Variants in CPHXL observed in about 807,000 individuals in gnomAD.
CPHXL encodes cytoplasmic polyadenylated homeobox like, also known as cytoplasmic polyadenylated homeobox-like protein.
At chr16:75,715,643 C>T (rs1004943924) in intron 2 of CPHXL, among the ~76,000 whole-genome samples, 2 of 152,198 alleles carry the variant, frequency 1.3e-5, no homozygotes, top group South Asian at 2.1e-4. Context: ...TCATACTCTC[C>T]CGCCAAGGAG....
chr16:75,725,688 G>C (rs996035937), intron 1 of CPHXL, among the ~76,000 whole-genome samples: 2 of 148,122 alleles, frequency 1.4e-5, no homozygotes, highest in Admixed American at 1.4e-4. Flanking sequence ...TCCTGACCTC[G>C]TGATCCACCC....
At position 75,718,324 on chromosome 16, in the gene CPHXL, C is replaced by G. The variant is rs954208455; in HGVS notation, c.160G>C (p.Asp54His). The change falls in exon 2 of 3, where the codon GAT (aspartate) becomes CAT (histidine). Residue 54 changes from aspartate to histidine, a missense_variant. By Grantham distance (81) the Asp-to-His change is moderately conservative. Transcript: ENST00000640559. The part of the protein sequence containing the change: ...KEIFGENCYP[D>H]YTTRKTLAIK... The stretch of plus-strand genomic sequence containing the variant: ...GCCAGTGTTTTCCTAGTTGTGTAAT[C>G]GGGATAACAGTTCTCTCCAAATATT... 7 of 398,646 alleles carry G rather than the reference C, an allele frequency of 1.8e-5. No homozygotes were observed. The highest frequency in any genetic ancestry group is 1.4e-4 in the African/African-American group (7 of 48,610). The allele number at this position is 398,646 out of a possible 1,614,324, so 24.7% of individuals were successfully genotyped here.
chr16:75,721,706 T>C (rs936643952), intron 1 of CPHXL, among the ~76,000 whole-genome samples: 1 of 152,072 alleles, frequency 6.6e-6, no homozygotes, highest in African/African-American at 2.4e-5. Flanking sequence ...AGACAGAAAG[T>C]TAACAAGGAT....
At chr16:75,719,308 C>T (rs183301555) in intron 1 of CPHXL, among the ~76,000 whole-genome samples, 85 of 152,226 alleles carry the variant, frequency 5.6e-4, no homozygotes, top group African/African-American at 1.6e-3. Context: ...GGTGAGGCAT[C>T]GCCTCACTTG....
At chr16:75,716,295 A>G (rs952042646) in intron 2 of CPHXL, among the ~76,000 whole-genome samples, 2 of 152,088 alleles carry the variant, frequency 1.3e-5, no homozygotes, top group South Asian at 4.2e-4. Flanking sequence ...GTCAGATCCC[A>G]CAGGTCGAGG....
chr16:75,717,714 C>T lies in CPHXL; in HGVS notation c.219+551G>A, dbSNP rs1047259942. On this transcript the variant is annotated intron_variant, in intron 2 of 2. Coordinates refer to ENST00000640559, the MANE Select transcript of CPHXL (RefSeq NM_001355613.1). The stretch of plus-strand genomic sequence containing the variant: ...GCAGTGGTATGATCAGGGCTGGAAG[C>T]ATCAGCCACAGCGCCCATCTTATTT... Among the ~76,000 whole-genome samples, 7 of 152,278 alleles carry T rather than the reference C, an allele frequency of 4.6e-5. No homozygotes were observed. In the East Asian group the frequency reaches 5.8e-4, roughly 13 times the overall value.
rs111976111 is a variant in CPHXL, at chr16:75,726,405, G to A, written c.25+13C>T. On this transcript the variant is annotated intron_variant, in intron 1 of 2. Coordinates refer to ENST00000640559, the MANE Select transcript of CPHXL (RefSeq NM_001355613.1). The stretch of plus-strand genomic sequence containing the variant: ...AAGTAGCATTGTAAGAGAAAAAGCT[G>A]ATGGGAACTTACCACCTGAAGTGCC... 1.1e-3 allele frequency: 430 copies of A among 398,594 alleles called. 2 individuals carry two copies. The highest frequency in any genetic ancestry group is 8.3e-3 in the African/African-American group (404 of 48,740). The allele number at this position is 398,594 out of a possible 1,614,324, so 24.7% of individuals were successfully genotyped here.
chr16:75,726,296 G>T (rs912175644), intron 1 of CPHXL, 122 bp downstream of exon 1: 2 of 397,238 alleles, frequency 5.0e-6, no homozygotes, highest in Non-Finnish European at 8.9e-6. Flanking sequence ...ACAATTTACC[G>T]GTGAAAAACA....
intron 1 of CPHXL, among the ~76,000 whole-genome samples, chr16:75,723,379 A>C (rs1213994020): frequency 2.0e-5 from 3 of 152,214 alleles, no homozygotes. Context: ...AATCTCCTTA[A>C]GCTGATAAGC....
chr16:75,718,274 A>G lies in CPHXL; in HGVS notation c.210T>C (p.Asn70=), dbSNP rs1377962515. The G allele has an allele frequency of 7.5e-6, 3 of 398,680 alleles. No individual in the cohort carries two copies. The highest frequency in any genetic ancestry group is 6.2e-5 in the African/African-American group (3 of 48,626). 24.7% of individuals were successfully genotyped at this position (398,680 alleles called of 1,614,324 possible). Reference sequence around the variant, plus strand: ...GAGGTCTTGAACTTACATCTATCACATTTACCGGACAATCAAATTTGATGG... The same window carrying G: ...GAGGTCTTGAACTTACATCTATCACGTTTACCGGACAATCAAATTTGATGG... ...TLAIKFDCPV[N]VIDNWFQNKR... Residue 70 remains asparagine (N), a synonymous_variant, in exon 2 of 3, where the codon AAT becomes AAC. Coordinates refer to ENST00000640559, the MANE Select transcript of CPHXL (RefSeq NM_001355613.1).
At chr16:75,724,874 C>T (rs570512110) in intron 1 of CPHXL, among the ~76,000 whole-genome samples, 1 of 152,258 alleles carries the variant, frequency 6.6e-6, no homozygotes, top group Non-Finnish European at 1.5e-5. Context: ...TGGAACCAAG[C>T]CAAATGTCCA....
intron 1 of CPHXL, among the ~76,000 whole-genome samples, chr16:75,722,288 A>C (rs905099143): frequency 5.4e-5 from 8 of 147,034 alleles, no homozygotes; most frequent in African/African-American, 9.7e-5. Context: ...GACACAAAAA[A>C]ACCTTCAAAA....
intron 1 of CPHXL, among the ~76,000 whole-genome samples, chr16:75,724,842 A>C (rs1360880930): frequency 2.0e-5 from 3 of 152,234 alleles, no homozygotes; most frequent in Non-Finnish European, 2.9e-5. Flanking sequence ...TTATAGCAGC[A>C]CTATTCACAA....
intron 1 of CPHXL, 92 bp downstream of exon 1, chr16:75,726,326 G>A: frequency 2.5e-6 from 1 of 398,292 alleles, no homozygotes; most frequent in Non-Finnish European, 4.4e-6. Flanking sequence ...CCAACAATCT[G>A]TACCTCTGTG....
At chr16:75,718,860 A>G (rs1959432413) in intron 1 of CPHXL, among the ~76,000 whole-genome samples, 1 of 152,226 alleles carries the variant, frequency 6.6e-6, no homozygotes, top group South Asian at 2.1e-4. Context: ...TAATTGCAGA[A>G]GAATATTTTA....
chr16:75,719,663 C>A (rs1222360758), intron 1 of CPHXL, among the ~76,000 whole-genome samples: 2 of 152,206 alleles, frequency 1.3e-5, no homozygotes, highest in Admixed American at 6.5e-5. Flanking sequence ...CCTCTCTAGA[C>A]TCCACCTCCG....
intron 1 of CPHXL, among the ~76,000 whole-genome samples, chr16:75,721,329 C>T (rs1959474022): frequency 6.6e-6 from 1 of 152,134 alleles, no homozygotes; most frequent in Admixed American, 6.6e-5. Context: ...AGAGTCAAGA[C>T]CCATCAGTGT....
intron 1 of CPHXL, among the ~76,000 whole-genome samples, chr16:75,719,532 G>T (rs1478037709): frequency 6.6e-6 from 1 of 152,168 alleles, no homozygotes; most frequent in Non-Finnish European, 1.5e-5. Flanking sequence ...AGATCAAACT[G>T]CAGGGTGGCA....
chr16:75,714,798 T>G lies in CPHXL; in HGVS notation c.644A>C (p.Glu215Ala). The change falls in exon 3 of 3, where the codon GAA (glutamate) becomes GCA (alanine). Residue 215 changes from glutamate (E) to alanine (A), a missense_variant. Coordinates refer to ENST00000640559, the MANE Select transcript of CPHXL (RefSeq NM_001355613.1). Reference sequence around the variant, plus strand: ...CCCCATAGCACAGCCTGGATGCTTTTCAGTGCCTGTGACCAGATAGGAACT... The same window carrying G: ...CCCCATAGCACAGCCTGGATGCTTTGCAGTGCCTGTGACCAGATAGGAACT... ...SQSSYLVTGT[E>A]KHPGCAMGYG... 1 of 398,654 alleles carries G rather than the reference T, an allele frequency of 2.5e-6. No homozygotes were observed. The highest frequency in any genetic ancestry group is 4.4e-6 in the Non-Finnish European group (1 of 226,078). 24.7% of individuals were successfully genotyped at this position (398,654 alleles called of 1,614,324 possible).
Sources: allele counts gnomAD v4.1 joint callset (sites outside exome capture counted in the v4.1 genomes callset), GRCh38; gene constraint gnomAD v4.1.1; transcripts MANE v1.5; gene names NCBI Gene and HGNC (gene_info 2026-07-23, HGNC 2026-07-21).